The following RBM26 variants were observed in gnomAD, a reference collection of about 807,000 sequenced individuals.
RBM26 encodes RNA binding motif protein 26.
Under a neutral mutation model 123.6 loss-of-function variants are expected in RBM26, and 30 were observed. The observed-to-expected ratio is 0.24, with a 90% confidence interval of 0.18 to 0.33. The LOEUF (loss-of-function observed/expected upper bound fraction) is 0.33. Ranked by LOEUF, RBM26 falls within the 10% of genes least tolerant of loss-of-function variation. The pLI is 1.00. For synonymous variants in RBM26, 400 were observed against 404.4 expected, an observed-to-expected ratio of 0.99 and a Z score of 0.13; for missense variants, 947 against 1,203.6, an observed-to-expected ratio of 0.79 and a Z score of 3.15.
intron 9 of RBM26, among the ~76,000 whole-genome samples, chr13:79,364,692 A>G (rs1021832573): frequency 3.3e-5 from 5 of 152,038 alleles, no homozygotes; most frequent in Non-Finnish European, 7.4e-5. Context: ...CTCTAGATGT[A>G]GGGCACTCTA....
intron 1 of RBM26, among the ~76,000 whole-genome samples, chr13:79,385,263 C>T (rs898183616): frequency 6.6e-5 from 10 of 152,180 alleles, no homozygotes; most frequent in South Asian, 2.1e-4. Context: ...TCACTTAATT[C>T]AAACAAGAAA....
At chr13:79,363,578 T>C (rs1050554853) in intron 9 of RBM26, among the ~76,000 whole-genome samples, 6 of 152,152 alleles carry the variant, frequency 3.9e-5, no homozygotes, top group Non-Finnish European at 8.8e-5. Flanking sequence ...AAATAATCAC[T>C]ATGTACAATA....
At chr13:79,344,406 C>A in intron 15 of RBM26, 84 bp from the exon 16 acceptor site, 1 of 1,088,302 alleles carries the variant, frequency 9.2e-7, no homozygotes, top group Admixed American at 2.0e-5. Flanking sequence ...GTTGTAACTG[C>A]AGAAGTCTGT....
In RBM26 at chr13:79,344,725, T is replaced by G; in HGVS notation, c.2128A>C (p.Thr710Pro). Residue 710 changes from threonine (T) to proline (P), a missense_variant, in exon 15 of 22, where the codon ACC becomes CCC. By Grantham distance (38) the Thr-to-Pro change is conservative. Around this residue, in one of 5 missense-constraint regions of RBM26, gnomAD observed 493 missense variants for 563.1 expected, o/e 0.88. Coordinates refer to ENST00000438737, the MANE Select transcript of RBM26 (RefSeq NM_001366735.2). ...NPAALKAAQKTLLVSTSAVDN... is the reference protein window; with the variant it reads ...NPAALKAAQKPLLVSTSAVDN... Reference sequence around the variant, plus strand: ...ACTGCAGAGGTGGAAACAAGTAAGGTTTTCTGTGCAGCCTTCAAAGCAGCT... The same window carrying G: ...ACTGCAGAGGTGGAAACAAGTAAGGGTTTCTGTGCAGCCTTCAAAGCAGCT... The G allele has an allele frequency of 3.1e-6, 5 of 1,613,272 alleles. No homozygotes were observed. The highest frequency in any genetic ancestry group is 3.4e-6 in the Non-Finnish European group (4 of 1,179,462).
At chr13:79,322,705 GAAT>G (rs3837537) in intron 20 of RBM26, among the ~76,000 whole-genome samples, 2 of 151,242 alleles carry the variant, frequency 1.3e-5, no homozygotes, top group East Asian at 3.9e-4. Flanking sequence ...AAGAAAACAA[GAAT>G]AATTTCTCAT....
intron 11 of RBM26, among the ~76,000 whole-genome samples, chr13:79,357,881 A>AT (rs34027077): frequency 1.0e-4 from 13 of 130,254 alleles, no homozygotes; most frequent in East Asian, 6.9e-4. Context: ...CAGAATAACA[A>AT]TTTTTTTTTT....
rs776345304 is a variant in RBM26, at chr13:79,367,406, C to CAAAAAAAAAAAAAAAA, written c.896-550_896-535dup. On this transcript the variant is annotated intron_variant, in intron 6 of 21. Transcript: ENST00000438737. ...TGGGGTATAGGGGGAGACTCCATCT[C>CAAAAAAAAAAAAAAAA]AAAAAAAAAAAAAAAAAAAAAAAAA... Among the ~76,000 whole-genome samples the CAAAAAAAAAAAAAAAA allele has an allele frequency of 7.3e-3, 289 of 39,604 alleles. 22 individuals carry two copies. Among genetic ancestry groups the CAAAAAAAAAAAAAAAA allele is most frequent in the East Asian group, 0.015 (9 of 604 alleles). The allele number at this position is 39,604 out of a possible 152,430, so 26.0% of individuals were successfully genotyped here. A position where few individuals can be genotyped will look rare whatever the true frequency, so the allele number is the denominator to read the frequency against.
At chr13:79,379,884 AG>A (rs1158176578) in intron 1 of RBM26, among the ~76,000 whole-genome samples, 3 of 152,340 alleles carry the variant, frequency 2.0e-5, no homozygotes, top group South Asian at 2.1e-4. Context: ...CTCTTAAATG[AG>A]TAAAAATTCA....
At chr13:79,392,047 CATTATTAT>C (rs1393250709) in intron 1 of RBM26, among the ~76,000 whole-genome samples, 1 of 120,966 alleles carries the variant, frequency 8.3e-6, no homozygotes, top group East Asian at 2.3e-4. Context: ...TTATACAATA[CATTATTAT>C]ATAATTATGT....
At chr13:79,327,232 G>C (rs1330599205) in intron 20 of RBM26, among the ~76,000 whole-genome samples, 2 of 151,330 alleles carry the variant, frequency 1.3e-5, no homozygotes, top group Non-Finnish European at 2.9e-5. Context: ...GGAAGTCAAG[G>C]CTGCAGTGAG....
At chr13:79,387,233 T>G (rs966121730) in intron 1 of RBM26, among the ~76,000 whole-genome samples, 8 of 152,042 alleles carry the variant, frequency 5.3e-5, no homozygotes, top group African/African-American at 1.7e-4. Context: ...AAGACACACT[T>G]TATTAACCTG....
At chr13:79,373,497 A>AC (rs1413498500) in intron 3 of RBM26, among the ~76,000 whole-genome samples, 56 of 15,128 alleles carry the variant, frequency 3.7e-3, no homozygotes, top group Non-Finnish European at 5.7e-3. Context: ...TATAATATGT[A>AC]TAAATATACT....
chr13:79,323,024 A>T (rs1410464879), intron 20 of RBM26, among the ~76,000 whole-genome samples: 1 of 151,510 alleles, frequency 6.6e-6, no homozygotes, highest in Admixed American at 6.6e-5. Context: ...TATAAAACTA[A>T]AACAAAATAT....
chr13:79,372,344 T>C (rs769280207), intron 3 of RBM26, among the ~76,000 whole-genome samples: 1 of 152,146 alleles, frequency 6.6e-6, no homozygotes, highest in Non-Finnish European at 1.5e-5. Context: ...TTTATTAACA[T>C]TAACATTTAA....
At chr13:79,355,040 TTA>T (rs975578044) in intron 12 of RBM26, among the ~76,000 whole-genome samples, 178 bp downstream of exon 12, 6 of 152,142 alleles carry the variant, frequency 3.9e-5, no homozygotes, top group East Asian at 1.9e-4. Flanking sequence ...AACATCACAA[TTA>T]TGAGAGAACA....
chr13:79,393,195 A>G (rs146551823), intron 1 of RBM26, among the ~76,000 whole-genome samples: 1 of 152,330 alleles, frequency 6.6e-6, no homozygotes, highest in African/African-American at 2.4e-5. Flanking sequence ...TGGGTGGGTT[A>G]CCATTCAAAA....
intron 14 of RBM26, among the ~76,000 whole-genome samples, 187 bp from the exon 15 acceptor site, chr13:79,344,981 G>T (rs1025275535): frequency 2.0e-5 from 3 of 151,290 alleles, no homozygotes; most frequent in South Asian, 2.1e-4. Context: ...TAAATAATAA[G>T]CTCTAAAATT....
chr13:79,323,626 TA>T (rs1408613045), intron 20 of RBM26, among the ~76,000 whole-genome samples: 1 of 151,304 alleles, frequency 6.6e-6, no homozygotes, highest in Non-Finnish European at 1.5e-5. Context: ...TACATTCAGC[TA>T]AAAAAAATTC....
intron 1 of RBM26, among the ~76,000 whole-genome samples, chr13:79,388,767 C>T (rs1278017036): frequency 1.3e-5 from 2 of 152,120 alleles, no homozygotes; most frequent in East Asian, 1.9e-4. Flanking sequence ...AGTCTGCTTG[C>T]TACTATAAAA....
Sources: allele counts gnomAD v4.1 joint callset (sites outside exome capture counted in the v4.1 genomes callset), GRCh38; gene constraint gnomAD v4.1.1; regional missense constraint gnomAD v4.1.1; transcripts MANE v1.5; gene names NCBI Gene and HGNC (gene_info 2026-07-23, HGNC 2026-07-21).